XDH: variants seen among roughly 807,000 people sequenced by gnomAD.
XDH encodes the protein xanthine dehydrogenase/oxidase.
Under a neutral mutation model 156.1 loss-of-function variants are expected in XDH, and 138 were observed. That is an observed-to-expected ratio of 0.88 (90% CI 0.77 to 1.02). XDH has a LOEUF of 1.02. XDH is among the 50% of genes least tolerant of loss of function. The pLI is 0.00. For synonymous variants in XDH, 669 were observed against 625.7 expected (o/e 1.07, Z -1.03); for missense variants, 1,849 against 1,684.9 (o/e 1.10, Z -1.71).
chr2:31,365,326 T>C, intron 23 of XDH, 131 bp downstream of exon 23: 1 of 935,398 alleles, frequency 1.1e-6, no homozygotes, highest in South Asian at 1.3e-5. Context: ...TTTCTCTTCT[T>C]GCTATATCTT....
intron 23 of XDH, 40 bp from the exon 24 acceptor site, chr2:31,364,284 CGTT>C: frequency 6.3e-7 from 1 of 1,599,778 alleles, no homozygotes; most frequent in Non-Finnish European, 8.6e-7. Context: ...TCATAAGTCC[CGTT>C]TCCCCCACCT....
At chr2:31,348,132 C>A in intron 28 of XDH, 136 bp downstream of exon 28, 1 of 886,692 alleles carries the variant, frequency 1.1e-6, no homozygotes, top group Non-Finnish European at 1.8e-6. Flanking sequence ...AAGACTTGCC[C>A]GAGGCTACAC....
intron 24 of XDH, among the ~76,000 whole-genome samples, chr2:31,360,633 T>C (rs1685751528): frequency 6.6e-6 from 1 of 152,216 alleles, no homozygotes; most frequent in Non-Finnish European, 1.5e-5. Context: ...ACCTGCCCCT[T>C]AGCCGCTTAG....
intron 26 of XDH, 66 bp from the exon 27 acceptor site, chr2:31,349,046 T>G (rs1186260688): frequency 3.5e-5 from 52 of 1,488,790 alleles, no homozygotes; most frequent in Non-Finnish European, 4.6e-5. Flanking sequence ...TATCTTTGGA[T>G]GTTCACATCA....
At chr2:31,397,601 C>T in intron 6 of XDH, 67 bp downstream of exon 6, 2 of 1,597,254 alleles carry the variant, frequency 1.3e-6, no homozygotes, top group South Asian at 2.2e-5. Flanking sequence ...GTCTCCCTCC[C>T]CACAGTGATT....
At chr2:31,342,002 C>T (rs893123884) in intron 32 of XDH, among the ~76,000 whole-genome samples, 181 bp downstream of exon 32, 1 of 152,158 alleles carries the variant, frequency 6.6e-6, no homozygotes, top group African/African-American at 2.4e-5. Context: ...GAGGCAGAGA[C>T]TGTATGGCCC....
At chr2:31,381,077 C>G (rs753381863) in intron 12 of XDH, among the ~76,000 whole-genome samples, 22 of 150,834 alleles carry the variant, frequency 1.5e-4, no homozygotes, top group Non-Finnish European at 8.9e-5. Context: ...CTCACTGCAA[C>G]CTCCGCTTCC....
chr2:31,406,664 C>T (rs1367451141), intron 1 of XDH, among the ~76,000 whole-genome samples: 1 of 152,170 alleles, frequency 6.6e-6, no homozygotes, highest in Non-Finnish European at 1.5e-5. Context: ...CGACCAAGGC[C>T]AAATCCCCTT....
chr2:31,402,782 C>T (rs1273646114), intron 3 of XDH, among the ~76,000 whole-genome samples: 1 of 152,128 alleles, frequency 6.6e-6, no homozygotes, highest in Non-Finnish European at 1.5e-5. Flanking sequence ...CAATGAAGAG[C>T]TATTGAAGGG....
At chr2:31,410,654 T>C (rs1287296008) in intron 1 of XDH, among the ~76,000 whole-genome samples, 1 of 152,138 alleles carries the variant, frequency 6.6e-6, no homozygotes, top group African/African-American at 2.4e-5. Flanking sequence ...GAAAAACACA[T>C]TACTTCTGTG....
intron 1 of XDH, among the ~76,000 whole-genome samples, chr2:31,406,823 G>A (rs1465437791): frequency 1.3e-5 from 2 of 152,164 alleles, no homozygotes; most frequent in Non-Finnish European, 2.9e-5. Flanking sequence ...CCATTCTGTT[G>A]GCCTGTGCTC....
At chr2:31,394,174 C>T (rs1443427011) in intron 6 of XDH, among the ~76,000 whole-genome samples, 2 of 152,118 alleles carry the variant, frequency 1.3e-5, no homozygotes, top group Admixed American at 1.3e-4. Flanking sequence ...CATTTTCCTT[C>T]TCTTTAAAGA....
At chr2:31,382,764 C>T (rs910352826) in intron 11 of XDH, among the ~76,000 whole-genome samples, 6 of 152,128 alleles carry the variant, frequency 3.9e-5, no homozygotes, top group African/African-American at 1.4e-4. Flanking sequence ...CCAGGGTGCC[C>T]CACAGACCAC....
chr2:31,375,636 G>A (rs555553152), intron 14 of XDH, 82 bp from the exon 15 acceptor site: 66 of 1,507,780 alleles, frequency 4.4e-5, no homozygotes, highest in Admixed American at 5.8e-5. Context: ...CCAGGGCCTC[G>A]GAGCTGTACA....
intron 8 of XDH, among the ~76,000 whole-genome samples, chr2:31,387,228 T>A (rs887432160): frequency 2.0e-5 from 3 of 152,178 alleles, no homozygotes; most frequent in African/African-American, 7.2e-5. Context: ...AAGGTAGTTT[T>A]CATAGCTCAA....
chr2:31,377,149 G>T lies in XDH; in HGVS notation c.1331C>A (p.Pro444Gln). 1 of 1,614,136 alleles carries T rather than the reference G, an allele frequency of 6.2e-7. No homozygotes were observed. The highest frequency in any genetic ancestry group is 8.5e-7 in the Non-Finnish European group (1 of 1,180,032). ...CAGCTCCTGTACCTCTGTGGTTCCT[G>T]GCTTGAATAAAACTCTCATGCCACT... is the stretch of plus-strand genomic sequence containing the variant. ...VTSGMRVLFK[P>Q]GTTEVQELAL... The change falls in exon 14 of 36, where the codon CCA (proline) becomes CAA (glutamine). Residue 444 changes from proline (P) to glutamine (Q), a missense_variant. Pro to Gln is a moderately conservative substitution (Grantham distance 76). Transcript: ENST00000379416.
At chr2:31,365,578 G>A (rs534969256) in intron 22 of XDH, 34 bp from the exon 23 acceptor site, 7 of 1,610,766 alleles carry the variant, frequency 4.3e-6, no homozygotes, top group Non-Finnish European at 5.9e-6. Context: ...AAGCCTGTGA[G>A]CCTTCAACAG....
intron 33 of XDH, among the ~76,000 whole-genome samples, chr2:31,340,290 C>T (rs1685093122): frequency 6.6e-6 from 1 of 152,188 alleles, no homozygotes; most frequent in South Asian, 2.1e-4. Flanking sequence ...TGCCTGGCCA[C>T]AGTAGGGGAC....
chr2:31,409,414 G>T (rs948166529), intron 1 of XDH, among the ~76,000 whole-genome samples: 1 of 152,000 alleles, frequency 6.6e-6, no homozygotes, highest in African/African-American at 2.4e-5. Flanking sequence ...TAAATATGTA[G>T]ATCTACTATG....
Sources: gnomAD v4.1 joint callset for allele counts (sites outside exome capture counted in the v4.1 genomes callset) on GRCh38, gnomAD v4.1.1 for gene constraint, MANE v1.5 for transcripts, NCBI Gene and HGNC (gene_info 2026-07-23, HGNC 2026-07-21) for gene names.